Variants in HPGDS observed in about 807,000 individuals in gnomAD.
The protein encoded by HPGDS is hematopoietic prostaglandin D synthase.
HPGDS carries 26 observed loss-of-function variants against 23.1 expected under a neutral mutation model. The ratio of observed to expected loss-of-function variants is 1.13; its 90% CI spans 0.83 to 1.56. The LOEUF (loss-of-function observed/expected upper bound fraction) is 1.56, where lower values mean the gene tolerates loss of function less well. HPGDS is among the 40% of genes most tolerant of loss of function. The pLI, the probability that HPGDS is intolerant of heterozygous loss-of-function variation, is 0.00. For synonymous variants in HPGDS, 95 were observed against 77.9 expected, an observed-to-expected ratio of 1.22 and a Z score of -1.16; for missense variants, 268 against 236.4, an observed-to-expected ratio of 1.13 and a Z score of -0.88.
intron 5 of HPGDS, among the ~76,000 whole-genome samples, 155 bp downstream of exon 5, chr4:94,301,990 AT>A (rs920879373): frequency 6.6e-6 from 1 of 152,128 alleles, no homozygotes; most frequent in African/African-American, 2.4e-5. Flanking sequence ...AGTCAAATCT[AT>A]TTTTTAAAAA....
chr4:94,323,900 G>A (rs759699996), intron 2 of HPGDS, among the ~76,000 whole-genome samples: 25 of 152,220 alleles, frequency 1.6e-4, no homozygotes, highest in East Asian at 3.9e-4. Context: ...GGCTGGTACC[G>A]GTTGTTTCTT....
At chr4:94,312,151 T>C (rs1181406605) in intron 3 of HPGDS, among the ~76,000 whole-genome samples, 1 of 152,156 alleles carries the variant, frequency 6.6e-6, no homozygotes, top group Non-Finnish European at 1.5e-5. Context: ...AGTTCTGCTC[T>C]GATTTTAGTT....
intron 3 of HPGDS, among the ~76,000 whole-genome samples, chr4:94,311,427 T>A (rs536893324): frequency 2.0e-5 from 3 of 151,516 alleles, no homozygotes; most frequent in Admixed American, 1.3e-4. Flanking sequence ...TGTGTTTATA[T>A]GCTGGATTAC....
At chr4:94,311,566 C>T (rs999927209) in intron 3 of HPGDS, among the ~76,000 whole-genome samples, 6 of 151,236 alleles carry the variant, frequency 4.0e-5, no homozygotes, top group African/African-American at 9.8e-5. Flanking sequence ...ATTTTCCAAT[C>T]GATGTTCATC....
At chr4:94,323,435 T>A (rs948902159) in intron 2 of HPGDS, among the ~76,000 whole-genome samples, 2 of 152,314 alleles carry the variant, frequency 1.3e-5, no homozygotes, top group Admixed American at 1.3e-4. Flanking sequence ...GGTTTATGAA[T>A]CTGGATGCTC....
chr4:94,307,308 A>T (rs1002156305), intron 4 of HPGDS, among the ~76,000 whole-genome samples: 7 of 134,956 alleles, frequency 5.2e-5, no homozygotes, highest in East Asian at 2.1e-4. Context: ...AGGAAAACAT[A>T]AAAAAAAAAA....
intron 4 of HPGDS, among the ~76,000 whole-genome samples, chr4:94,307,568 G>T (rs537482397): frequency 6.6e-6 from 1 of 152,116 alleles, no homozygotes; most frequent in Non-Finnish European, 1.5e-5. Context: ...CCATAGAATG[G>T]CATCACTGGA....
At chr4:94,335,459 G>C (rs1477521170) in intron 1 of HPGDS, among the ~76,000 whole-genome samples, 1 of 152,098 alleles carries the variant, frequency 6.6e-6, no homozygotes, top group Non-Finnish European at 1.5e-5. Flanking sequence ...ACTCGTAGTG[G>C]AATATATTTT....
intron 3 of HPGDS, among the ~76,000 whole-genome samples, chr4:94,310,748 T>A (rs1239494862): frequency 6.6e-6 from 1 of 152,244 alleles, no homozygotes; most frequent in Non-Finnish European, 1.5e-5. Context: ...TTTCACAACA[T>A]TGATTCTTCC....
intron 2 of HPGDS, among the ~76,000 whole-genome samples, chr4:94,330,026 A>G (rs1464859708): frequency 6.6e-6 from 1 of 152,202 alleles, no homozygotes; most frequent in African/African-American, 2.4e-5. Flanking sequence ...CTTGTACCTT[A>G]AACACTGTGT....
At chr4:94,336,694 T>A (rs1394143160) in intron 1 of HPGDS, among the ~76,000 whole-genome samples, 1 of 152,184 alleles carries the variant, frequency 6.6e-6, no homozygotes, top group Admixed American at 6.5e-5. Flanking sequence ...GGAGACTAAA[T>A]GAAATGCCCA....
intron 2 of HPGDS, among the ~76,000 whole-genome samples, chr4:94,324,200 C>T (rs1410427739): frequency 6.6e-6 from 1 of 152,066 alleles, no homozygotes; most frequent in Non-Finnish European, 1.5e-5. Context: ...ACATTTTTTC[C>T]TTCATTTCAA....
At chr4:94,340,402 G>A (rs1179315550) in intron 1 of HPGDS, among the ~76,000 whole-genome samples, 1 of 118,596 alleles carries the variant, frequency 8.4e-6, no homozygotes, top group Non-Finnish European at 1.6e-5. Flanking sequence ...GCAGTGGCGT[G>A]ATCTCCACTC....
At chr4:94,300,904 G>A (rs1236644008) in intron 5 of HPGDS, among the ~76,000 whole-genome samples, 1 of 152,176 alleles carries the variant, frequency 6.6e-6, no homozygotes, top group Non-Finnish European at 1.5e-5. Flanking sequence ...GGGAATGTGA[G>A]TTAGGTCTGA....
chr4:94,315,693 T>C (rs187977977), intron 3 of HPGDS, among the ~76,000 whole-genome samples: 239 of 152,330 alleles, frequency 1.6e-3, no homozygotes, highest in African/African-American at 5.4e-3. Context: ...TATACCTCAA[T>C]AAAGGTGTTA....
chr4:94,327,356 G>A (rs1196331134), intron 2 of HPGDS, among the ~76,000 whole-genome samples: 1 of 152,134 alleles, frequency 6.6e-6, no homozygotes, highest in Non-Finnish European at 1.5e-5. Flanking sequence ...CTTGTTCTCA[G>A]GTCTCCTGAG....
chr4:94,315,751 T>C (rs773241328), intron 3 of HPGDS, among the ~76,000 whole-genome samples: 9 of 152,230 alleles, frequency 5.9e-5, no homozygotes, highest in Non-Finnish European at 1.2e-4. Flanking sequence ...CTGTAAACTA[T>C]ATTTTTGTGT....
At chr4:94,322,996 AT>A (rs1182387661) in intron 2 of HPGDS, among the ~76,000 whole-genome samples, 3 of 152,148 alleles carry the variant, frequency 2.0e-5, no homozygotes, top group Admixed American at 1.3e-4. Context: ...GAATATGTTT[AT>A]TTCTGCCTTC....
intron 3 of HPGDS, among the ~76,000 whole-genome samples, chr4:94,310,477 T>C (rs1441671776): frequency 6.6e-6 from 1 of 152,182 alleles, no homozygotes; most frequent in African/African-American, 2.4e-5. Flanking sequence ...TCTGTTCTGT[T>C]CCACTGGTCT....
Sources: gnomAD v4.1 joint callset for allele counts (sites outside exome capture counted in the v4.1 genomes callset) on GRCh38, gnomAD v4.1.1 for gene constraint, MANE v1.5 for transcripts, NCBI Gene and HGNC (gene_info 2026-07-23, HGNC 2026-07-21) for gene names.